Variants in ETFDH observed in about 807,000 individuals in gnomAD.
ETFDH encodes the protein electron transfer flavoprotein-ubiquinone oxidoreductase, mitochondrial.
In ETFDH, 61 loss-of-function variants were observed where a neutral mutation model predicts 73.2. That is an observed-to-expected ratio of 0.83 (90% CI 0.68 to 1.03). ETFDH has a LOEUF of 1.03. ETFDH is among the 50% of genes least tolerant of loss of function. The pLI, the probability that ETFDH is intolerant of heterozygous loss-of-function variation, is 0.00. For missense variants in ETFDH, 685 were observed against 745.0 expected (o/e 0.92, Z 0.94); for synonymous variants, 243 against 253.3 (o/e 0.96, Z 0.39).
In ETFDH at chr4:158,698,912, A is replaced by G. The variant is rs960028905; in HGVS notation, c.973-75A>G. 25 of 1,086,142 alleles carry G rather than the reference A, an allele frequency of 2.3e-5. No individual in the cohort carries two copies. The African/African-American group carries it at 2.5e-4, about 11-fold the overall frequency. The allele number at this position is 1,086,142 out of a possible 1,614,324, so 67.3% of individuals were successfully genotyped here. ...AAATTTAACCTACATGTTTTCTGAT[A>G]AACATTGCTTACATTTTAGCTTGAT... On this transcript the variant is annotated intron_variant, in intron 8 of 12. Coordinates refer to ENST00000511912, the MANE Select transcript of ETFDH (RefSeq NM_004453.4).
rs567461693 is a variant in ETFDH at position 158,694,440 on chromosome 4, A to C, written c.685-1057A>C. On this transcript the variant is annotated intron_variant, in intron 6 of 12. Transcript: ENST00000511912. Reference sequence around the variant, plus strand: ...AAACCCTGTCTCTACTAAAAATACAAAAAGTTAGCTGGGCTTGGTGGCGGG... The same window carrying C: ...AAACCCTGTCTCTACTAAAAATACACAAAGTTAGCTGGGCTTGGTGGCGGG... Among the ~76,000 whole-genome samples, 26 of 152,192 alleles carry C rather than the reference A, an allele frequency of 1.7e-4. 1 individual carries two copies. The highest frequency in any genetic ancestry group is 6.8e-3 in the Middle Eastern group (2 of 294).
intron 6 of ETFDH, 136 bp downstream of exon 6, chr4:158,690,561 CCTAG>C (rs963600508): frequency 1.8e-5 from 13 of 703,934 alleles, no homozygotes; most frequent in African/African-American, 3.6e-5. Context: ...CACCTGTAGT[CCTAG>C]CTACTTTGGA....
intron 5 of ETFDH, among the ~76,000 whole-genome samples, chr4:158,685,856 T>C (rs946336551): frequency 5.9e-5 from 9 of 152,202 alleles, no homozygotes; most frequent in Non-Finnish European, 1.2e-4. Context: ...AAGTGAATGA[T>C]TTTTAGGGAA....
chr4:158,675,750 C>G (rs1423872598), intron 1 of ETFDH, among the ~76,000 whole-genome samples: 1 of 144,340 alleles, frequency 6.9e-6, no homozygotes, highest in Non-Finnish European at 1.5e-5. Context: ...CCCTTGGTGA[C>G]AGAGTGAGAC....
chr4:158,694,243 T>C (rs1774251744), intron 6 of ETFDH, among the ~76,000 whole-genome samples: 1 of 152,224 alleles, frequency 6.6e-6, no homozygotes, highest in Non-Finnish European at 1.5e-5. Context: ...CATTCACTAT[T>C]TCTTGAATCA....
At chr4:158,675,516 C>G (rs541561395) in intron 1 of ETFDH, among the ~76,000 whole-genome samples, 1 of 152,064 alleles carries the variant, frequency 6.6e-6, no homozygotes, top group African/African-American at 2.4e-5. Context: ...CCTGGAATCC[C>G]AGCGTTTTGG....
At position 158,697,517 on chromosome 4, in the gene ETFDH, A is replaced by T. The variant is rs769285177; in HGVS notation, c.832-42A>T. 24 of 1,572,820 alleles carry T rather than the reference A, an allele frequency of 1.5e-5. No homozygotes were observed. In the East Asian group the frequency reaches 4.5e-4, roughly 29 times the overall value. ...ATTGTGGTGACATAAAAACATTTTT[A>T]AAATACTGCAGGACTTTTTTGTTTG... On this transcript the variant is annotated intron_variant, in intron 7 of 12. Coordinates refer to ENST00000511912, the MANE Select transcript of ETFDH (RefSeq NM_004453.4).
chr4:158,681,508 A>G (rs1203692522), intron 2 of ETFDH: 1 of 152,292 alleles, frequency 6.6e-6, no homozygotes, highest in Admixed American at 6.5e-5. Context: ...CTAAGCATAC[A>G]GTGTTTATGA....
At chr4:158,704,469 TTC>T in intron 10 of ETFDH, among the ~76,000 whole-genome samples, 1 of 152,318 alleles carries the variant, frequency 6.6e-6, no homozygotes, top group South Asian at 2.1e-4. Flanking sequence ...GGCTCCTTTG[TTC>T]TCTTTCCCTT....
At position 158,672,497 on chromosome 4, in the gene ETFDH, G is replaced by A. The variant is rs1436016069; in HGVS notation, c.34+7G>A. ...GCCAAGCTGTCCTGCCTGGGTGAGA[G>A]GAAACGGGCGGTGGGGATAAGTGGA... is the stretch of plus-strand genomic sequence containing the variant. On this transcript the variant is annotated splice_region_variant and intron_variant, in intron 1 of 12. Coordinates refer to ENST00000511912, the MANE Select transcript of ETFDH (RefSeq NM_004453.4). The A allele has an allele frequency of 8.7e-6, 14 of 1,614,022 alleles. 1 individual carries two copies. Among genetic ancestry groups the A allele is most frequent in the Non-Finnish European group, 1.1e-5 (13 of 1,179,972 alleles).
At chr4:158,686,773 C>A (rs558028145) in intron 5 of ETFDH, among the ~76,000 whole-genome samples, 1 of 152,078 alleles carries the variant, frequency 6.6e-6, no homozygotes, top group African/African-American at 2.4e-5. Flanking sequence ...GTTTCTGAGG[C>A]CTTCCAGTCT....
chr4:158,695,729 T>A, intron 7 of ETFDH, 86 bp downstream of exon 7: 1 of 882,286 alleles, frequency 1.1e-6, no homozygotes, highest in Non-Finnish European at 1.9e-6. Flanking sequence ...AATACTGATT[T>A]AATTTTAGTT....
intron 2 of ETFDH, among the ~76,000 whole-genome samples, chr4:158,680,813 A>G (rs1773837763): frequency 6.6e-6 from 1 of 152,204 alleles, no homozygotes; most frequent in South Asian, 2.1e-4. Context: ...GGAGCTGAAA[A>G]TTCCTATCAC....
intron 6 of ETFDH, among the ~76,000 whole-genome samples, chr4:158,692,554 T>A (rs1337415302): frequency 6.6e-6 from 1 of 152,096 alleles, no homozygotes; most frequent in Non-Finnish European, 1.5e-5. Flanking sequence ...CTCCAGGGAT[T>A]CCGATGCATA....
chr4:158,706,852 T>G lies in ETFDH; in HGVS notation c.1690+2T>G, dbSNP rs767238539. The G allele has an allele frequency of 1.0e-5, 16 of 1,564,564 alleles. No individual in the cohort carries two copies. Among genetic ancestry groups the G allele is most frequent in the African/African-American group, 1.4e-5 (1 of 73,974 alleles). On this transcript the variant is annotated splice_donor_variant, in intron 12 of 12. Coordinates refer to ENST00000511912, the MANE Select transcript of ETFDH (RefSeq NM_004453.4). LOFTEE classifies it high-confidence loss of function. ...CCGAGCAGCGATTCTGTCCTGCAGG[T>G]AATAATTTCCATCTATTCCTAAATA... is the stretch of plus-strand genomic sequence containing the variant.
intron 1 of ETFDH, among the ~76,000 whole-genome samples, chr4:158,674,621 A>T (rs1773668663): frequency 6.6e-6 from 1 of 152,182 alleles, no homozygotes; most frequent in Non-Finnish European, 1.5e-5. Flanking sequence ...AGTTTTTAGT[A>T]TGCGTAAGTA....
intron 6 of ETFDH, among the ~76,000 whole-genome samples, chr4:158,694,483 A>AC (rs1774258287): frequency 6.6e-6 from 1 of 151,846 alleles, no homozygotes; most frequent in African/African-American, 2.4e-5. Context: ...AATCCCAGCT[A>AC]CTCAGGAGGC....
intron 3 of ETFDH, among the ~76,000 whole-genome samples, chr4:158,682,965 A>G (rs942199860): frequency 6.6e-6 from 1 of 152,232 alleles, no homozygotes; most frequent in African/African-American, 2.4e-5. Context: ...TGGGTATATG[A>G]GAAGATAACT....
chr4:158,686,682 C>T (rs1216543044), intron 5 of ETFDH, among the ~76,000 whole-genome samples: 6 of 152,152 alleles, frequency 3.9e-5, no homozygotes, highest in Admixed American at 3.9e-4. Flanking sequence ...TTCTATGACT[C>T]AACCTTGAGG....
Sources: allele counts gnomAD v4.1 joint callset (sites outside exome capture counted in the v4.1 genomes callset), GRCh38; gene constraint gnomAD v4.1.1; transcripts MANE v1.5; gene names NCBI Gene and HGNC (gene_info 2026-07-23, HGNC 2026-07-21).